Variants in GRAMD2B observed in about 807,000 individuals in gnomAD.
GRAMD2B encodes the protein GRAM domain-containing protein 2B.
Under a neutral mutation model 59.2 loss-of-function variants are expected in GRAMD2B, and 41 were observed. The ratio of observed to expected loss-of-function variants is 0.69; its 90% CI spans 0.54 to 0.90. The LOEUF is 0.90. GRAMD2B is among the 40% of genes least tolerant of loss of function. GRAMD2B has a pLI of 0.00. For missense variants in GRAMD2B, 424 were observed against 500.5 expected (o/e 0.85, Z 1.46); for synonymous variants, 161 against 182.7 (o/e 0.88, Z 0.96).
At chr5:126,373,908 G>T (rs985065688) in intron 1 of GRAMD2B, among the ~76,000 whole-genome samples, 1 of 152,172 alleles carries the variant, frequency 6.6e-6, no homozygotes, top group African/African-American at 2.4e-5. Flanking sequence ...ATGATAAGGG[G>T]GGTTAGAGTT....
chr5:126,371,047 G>T (rs1046319664), upstream of GRAMD2B, among the ~76,000 whole-genome samples: 1 of 152,192 alleles, frequency 6.6e-6, no homozygotes, highest in African/African-American at 2.4e-5. Flanking sequence ...GGCTCAGGTG[G>T]TTAGAAAAAG....
chr5:126,361,901 G>A (rs1368298486), intron 1 of GRAMD2B, among the ~76,000 whole-genome samples: 8 of 152,100 alleles, frequency 5.3e-5, no homozygotes, highest in East Asian at 1.9e-4. Context: ...AGACCAGTTC[G>A]ATAGGCACTC....
At chr5:126,480,274 T>G in intron 6 of GRAMD2B, 182 bp from the exon 7 acceptor site, 2 of 555,494 alleles carry the variant, frequency 3.6e-6, no homozygotes, top group Non-Finnish European at 6.3e-6. Context: ...GGAGAATGTT[T>G]GCTTTATTAC....
At chr5:126,405,330 G>C (rs1355752944) in intron 1 of GRAMD2B, among the ~76,000 whole-genome samples, 1 of 151,872 alleles carries the variant, frequency 6.6e-6, no homozygotes, top group Admixed American at 6.6e-5. Flanking sequence ...GACATCACCA[G>C]AGATAGTACA....
intron 1 of GRAMD2B, among the ~76,000 whole-genome samples, chr5:126,389,504 C>T (rs1756506783): frequency 6.6e-6 from 1 of 152,104 alleles, no homozygotes; most frequent in Non-Finnish European, 1.5e-5. Context: ...GTTTTATAGT[C>T]TTCTATTCTT....
rs374322652 is a variant in GRAMD2B at position 126,480,605 on chromosome 5, C to T, written c.655-22C>T. 86 of 1,611,798 alleles carry T rather than the reference C, an allele frequency of 5.3e-5. 1 individual carries two copies. Among genetic ancestry groups the T allele is most frequent in the Admixed American group, 3.7e-4 (22 of 59,974 alleles). On this transcript the variant is annotated intron_variant, in intron 7 of 13. Coordinates refer to ENST00000285689, the MANE Select transcript of GRAMD2B (RefSeq NM_023927.4). Reference sequence around the variant, plus strand: ...TGGTTTCATAGTTAATCTGGCTTTTCGTTTTGTTCCAATAATTTCAGAATA... The same window carrying T: ...TGGTTTCATAGTTAATCTGGCTTTTTGTTTTGTTCCAATAATTTCAGAATA...
chr5:126,473,986 A>G (rs1377231884), intron 5 of GRAMD2B, among the ~76,000 whole-genome samples: 2 of 152,178 alleles, frequency 1.3e-5, no homozygotes, highest in Non-Finnish European at 2.9e-5. Context: ...GACACATGAC[A>G]TCCTGAGGCA....
chr5:126,484,161 A>G (rs1772425000), intron 9 of GRAMD2B, among the ~76,000 whole-genome samples: 1 of 152,200 alleles, frequency 6.6e-6, no homozygotes, highest in Non-Finnish European at 1.5e-5. Flanking sequence ...AATATTTTTA[A>G]TTGTTACAGC....
intron 1 of GRAMD2B, among the ~76,000 whole-genome samples, chr5:126,412,797 T>C (rs527543008): frequency 6.6e-6 from 1 of 152,230 alleles, no homozygotes; most frequent in African/African-American, 2.4e-5. Context: ...AATTTGATAT[T>C]GGTCTATTCA....
chr5:126,374,783 C>T (rs1755044359), intron 1 of GRAMD2B, among the ~76,000 whole-genome samples: 2 of 152,092 alleles, frequency 1.3e-5, no homozygotes, highest in Admixed American at 1.3e-4. Flanking sequence ...ATAGACTGTC[C>T]TTTCGTCACT....
intron 1 of GRAMD2B, among the ~76,000 whole-genome samples, chr5:126,444,327 C>T (rs980478753): frequency 5.9e-5 from 9 of 152,318 alleles, no homozygotes; most frequent in South Asian, 2.1e-4. Flanking sequence ...ACCTTTCTTC[C>T]GTGCCCTCTC....
At chr5:126,471,507 T>G (rs1769579998) in intron 3 of GRAMD2B, among the ~76,000 whole-genome samples, 1 of 152,212 alleles carries the variant, frequency 6.6e-6, no homozygotes, top group African/African-American at 2.4e-5. Flanking sequence ...ACAGCTTTCA[T>G]GGTCTTGGGC....
At chr5:126,483,317 T>G in intron 8 of GRAMD2B, 146 bp from the exon 9 acceptor site, 1 of 434,546 alleles carries the variant, frequency 2.3e-6, no homozygotes, top group Non-Finnish European at 4.1e-6. Flanking sequence ...AGTCATCTGT[T>G]GGGAAAATCC....
chr5:126,423,717 A>G, intron 1 of GRAMD2B, 28 bp downstream of exon 1: 1 of 1,584,220 alleles, frequency 6.3e-7, no homozygotes, highest in Non-Finnish European at 8.6e-7. Flanking sequence ...GGACCCATCC[A>G]AGGAGGTGGG....
chr5:126,477,585 G>A, intron 5 of GRAMD2B, 107 bp from the exon 6 acceptor site: 1 of 754,684 alleles, frequency 1.3e-6, no homozygotes, highest in East Asian at 2.4e-5. Flanking sequence ...GCTTGCTGCT[G>A]GTTTTGATTT....
chr5:126,382,939 AGACTGCAGTGATTATTATTTCTCTTCACG>A (rs1755789102), intron 1 of GRAMD2B, among the ~76,000 whole-genome samples: 1 of 152,050 alleles, frequency 6.6e-6, no homozygotes, highest in South Asian at 2.1e-4. Flanking sequence ...CCTGAGAGCC[AGACTGCAGTGATTATTATTTCTCTTCACG>A]GATGTAGCCA....
At chr5:126,475,717 C>T (rs1476618211) in intron 5 of GRAMD2B, among the ~76,000 whole-genome samples, 2 of 152,216 alleles carry the variant, frequency 1.3e-5, no homozygotes, top group African/African-American at 4.8e-5. Flanking sequence ...TGTAATCCAG[C>T]ACTTTGGGAG....
chr5:126,371,425 CG>C, exon 1 of GRAMD2B: 1 of 1,274,754 alleles, frequency 7.8e-7, no homozygotes, highest in Middle Eastern at 2.2e-4. Flanking sequence ...CCTTGACTTG[CG>C]GGTCAATAAG....
At chr5:126,391,318 T>TAAA (rs1756731453) in intron 1 of GRAMD2B, among the ~76,000 whole-genome samples, 2 of 6,996 alleles carry the variant, frequency 2.9e-4, no homozygotes, top group African/African-American at 3.4e-4. Flanking sequence ...AGACTCCATC[T>TAAA]CAAAAAAAAA....
Sources: gnomAD v4.1 joint callset for allele counts (sites outside exome capture counted in the v4.1 genomes callset) on GRCh38, gnomAD v4.1.1 for gene constraint, MANE v1.5 for transcripts, NCBI Gene and HGNC (gene_info 2026-07-23, HGNC 2026-07-21) for gene names.